The following EPHA5 variants were observed in gnomAD, a reference collection of about 807,000 sequenced individuals.
EPHA5 encodes EPH receptor A5, also known as ephrin type-A receptor 5.
In EPHA5, 60 loss-of-function variants were observed where a neutral mutation model predicts 105.0. That is an observed-to-expected ratio of 0.57 (90% CI 0.46 to 0.71). The LOEUF (loss-of-function observed/expected upper bound fraction) is 0.71, where lower values mean the gene tolerates loss of function less well. Among genes scored for constraint, EPHA5 ranks in the 30% least tolerant of loss-of-function variants. The pLI, the probability that EPHA5 is intolerant of heterozygous loss-of-function variation, is 0.00. For synonymous variants in EPHA5, 513 were observed against 449.1 expected, an observed-to-expected ratio of 1.14 and a Z score of -1.80; for missense variants, 1,218 against 1,274.7, an observed-to-expected ratio of 0.96 and a Z score of 0.68.
chr4:65,364,194 C>T (rs547922157), intron 11 of EPHA5, among the ~76,000 whole-genome samples: 1 of 151,688 alleles, frequency 6.6e-6, no homozygotes, highest in South Asian at 2.1e-4. Flanking sequence ...ACATTCCTCT[C>T]TGAGCATGCT....
chr4:65,429,213 T>G (rs1724745049), intron 5 of EPHA5, among the ~76,000 whole-genome samples: 1 of 152,060 alleles, frequency 6.6e-6, no homozygotes, highest in African/African-American at 2.4e-5. Flanking sequence ...CGTGGTGCAT[T>G]TGGAAAACTT....
intron 5 of EPHA5, among the ~76,000 whole-genome samples, chr4:65,455,817 A>T (rs1208542948): frequency 6.6e-6 from 1 of 152,176 alleles, no homozygotes; most frequent in Non-Finnish European, 1.5e-5. Context: ...AATGAATTTA[A>T]ATACAAATGC....
At chr4:65,396,054 T>G (rs1721200503) in intron 8 of EPHA5, among the ~76,000 whole-genome samples, 1 of 151,964 alleles carries the variant, frequency 6.6e-6, no homozygotes, top group African/African-American at 2.4e-5. Context: ...GATCTGGGCA[T>G]CCCTGTGCTT....
chr4:65,441,468 G>C (rs1726005901), intron 5 of EPHA5, among the ~76,000 whole-genome samples: 1 of 151,806 alleles, frequency 6.6e-6, no homozygotes, highest in Non-Finnish European at 1.5e-5. Flanking sequence ...TTTACCACTA[G>C]TTAAATATAT....
rs188340467 is a variant in EPHA5, at chr4:65,605,308, T to A, written c.247-3004A>T. ...ACTTACTTTCATAACCATATGTGTA[T>A]CATGCAGTTACAATGTTTTTCTACC... On this transcript the variant is annotated intron_variant, in intron 2 of 16. Coordinates refer to ENST00000613740, the MANE Select transcript of EPHA5 (RefSeq NM_001281766.3). Among the ~76,000 whole-genome samples the A allele has an allele frequency of 2.6e-5, 4 of 152,252 alleles. No individual in the cohort carries two copies. The East Asian group carries it at 7.7e-4, about 29-fold the overall frequency.
chr4:65,570,580 T>C (rs1740026311), intron 3 of EPHA5, among the ~76,000 whole-genome samples: 1 of 151,830 alleles, frequency 6.6e-6, no homozygotes, highest in Admixed American at 6.6e-5. Flanking sequence ...GCCATCAAAG[T>C]TTTGTTACTC....
chr4:65,563,991 A>G (rs186428139), intron 3 of EPHA5, among the ~76,000 whole-genome samples: 1 of 151,980 alleles, frequency 6.6e-6, no homozygotes, highest in South Asian at 2.1e-4. Context: ...AGTATCCTTT[A>G]TCAAAGGATT....
chr4:65,607,141 T>C (rs1578561645), intron 2 of EPHA5, among the ~76,000 whole-genome samples: 1 of 152,140 alleles, frequency 6.6e-6, no homozygotes, highest in Non-Finnish European at 1.5e-5. Flanking sequence ...TTGCTAACTT[T>C]ACTGAAGATA....
At chr4:65,613,489 A>T (rs752005632) in intron 2 of EPHA5, among the ~76,000 whole-genome samples, 38 of 152,006 alleles carry the variant, frequency 2.5e-4, no homozygotes, top group Non-Finnish European at 4.6e-4. Context: ...AACTGTATTG[A>T]TTCTTCCAAT....
intron 3 of EPHA5, among the ~76,000 whole-genome samples, chr4:65,503,701 T>C (rs1373025651): frequency 6.6e-6 from 1 of 151,812 alleles, no homozygotes; most frequent in East Asian, 1.9e-4. Context: ...TTTCCTGCCA[T>C]GAACTGTACT....
chr4:65,441,540 G>T (rs1455060859), intron 5 of EPHA5, among the ~76,000 whole-genome samples: 2 of 151,824 alleles, frequency 1.3e-5, no homozygotes, highest in Non-Finnish European at 2.9e-5. Context: ...AGGCAGAGTG[G>T]AAGAAAGGAA....
intron 2 of EPHA5, among the ~76,000 whole-genome samples, chr4:65,625,977 C>G (rs1305582276): frequency 6.6e-6 from 1 of 151,826 alleles, no homozygotes; most frequent in Non-Finnish European, 1.5e-5. Context: ...GCGGGCGCCT[C>G]TAGTCCCAGC....
intron 2 of EPHA5, among the ~76,000 whole-genome samples, chr4:65,619,085 T>C (rs984158124): frequency 1.3e-5 from 2 of 151,942 alleles, no homozygotes; most frequent in African/African-American, 4.8e-5. Context: ...AGCACAGAGG[T>C]TGCAGTGAGC....
intron 3 of EPHA5, among the ~76,000 whole-genome samples, chr4:65,509,360 C>T (rs1560624320): frequency 6.6e-6 from 1 of 152,076 alleles, no homozygotes; most frequent in Non-Finnish European, 1.5e-5. Flanking sequence ...ATTATTACTA[C>T]AGAAATATTC....
intron 3 of EPHA5, among the ~76,000 whole-genome samples, chr4:65,556,741 G>A (rs909600031): frequency 6.6e-6 from 1 of 152,106 alleles, no homozygotes. Context: ...TCAGCAAATA[G>A]AGCATTAGCT....
intron 8 of EPHA5, among the ~76,000 whole-genome samples, chr4:65,372,698 A>C (rs1560465773): frequency 6.6e-6 from 1 of 151,872 alleles, no homozygotes; most frequent in Non-Finnish European, 1.5e-5. Context: ...TTCTTATCTC[A>C]CATTTGATCA....
chr4:65,420,743 CA>C (rs1364170549), intron 5 of EPHA5, among the ~76,000 whole-genome samples, 178 bp from the exon 6 acceptor site: 1 of 151,998 alleles, frequency 6.6e-6, no homozygotes, highest in Non-Finnish European at 1.5e-5. Flanking sequence ...AAATATAAAT[CA>C]GCTAAATATC....
At chr4:65,426,393 T>C (rs12500411) in intron 5 of EPHA5, among the ~76,000 whole-genome samples, 19,116 of 152,214 alleles carry the variant, frequency 0.13, 1,641 homozygotes, top group East Asian at 0.32. Context: ...ATACAAGTCA[T>C]ATTTTCAGAA....
At chr4:65,506,940 C>T (rs1733091894) in intron 3 of EPHA5, among the ~76,000 whole-genome samples, 1 of 152,118 alleles carries the variant, frequency 6.6e-6, no homozygotes, top group Non-Finnish European at 1.5e-5. Flanking sequence ...AAGTCCTTGC[C>T]CATGCCTATG....
Sources: allele counts gnomAD v4.1 joint callset (sites outside exome capture counted in the v4.1 genomes callset), GRCh38; gene constraint gnomAD v4.1.1; transcripts MANE v1.5; gene names NCBI Gene and HGNC (gene_info 2026-07-23, HGNC 2026-07-21).